Variants in MTFR1 observed in about 807,000 individuals in gnomAD.
MTFR1 encodes mitochondrial fission regulator 1, also known as chondrocyte protein with a poly-proline region.
In MTFR1, 28 loss-of-function variants were observed where a neutral mutation model predicts 38.8. That is an observed-to-expected ratio of 0.72 (90% CI 0.53 to 0.99). The LOEUF (loss-of-function observed/expected upper bound fraction) is 0.99, where lower values mean the gene tolerates loss of function less well. Ranked by LOEUF, MTFR1 falls within the 50% of genes least tolerant of loss-of-function variation. The probability of loss-of-function intolerance (pLI) is 0.00; values close to 1 mark genes in which losing one functional copy is unlikely to be tolerated. For synonymous variants in MTFR1, 145 were observed against 137.0 expected (o/e 1.06, Z -0.41); for missense variants, 358 against 395.5 (o/e 0.91, Z 0.81).
At chr8:65,734,851 G>C in intron 3 of MTFR1, 2 of 1,612,472 alleles carry the variant, frequency 1.2e-6, no homozygotes, top group Admixed American at 1.7e-5. Context: ...CGTGGACTGC[G>C]TTATGGTAAG....
rs748160784 is a variant in MTFR1, at chr8:65,708,973, T to C, written c.934-3T>C. The C allele has an allele frequency of 1.9e-6, 3 of 1,613,764 alleles. No individual in the cohort carries two copies. The South Asian group carries it at 3.3e-5, about 18-fold the overall frequency. On this transcript the variant is annotated splice_polypyrimidine_tract_variant and splice_region_variant and intron_variant, in intron 7 of 7. Coordinates refer to ENST00000262146, the MANE Select transcript of MTFR1 (RefSeq NM_014637.4). ...TTTATTTATACTTTTTGTTTGTTTC[T>C]AGTTTGGGCCACACATGTTGAAGCC...
chr8:65,776,467 A>G, the MTFR1 span, among the ~76,000 whole-genome samples: 1 of 152,226 alleles, frequency 6.6e-6, no homozygotes, highest in Non-Finnish European at 1.5e-5. Context: ...ATTTCACTAA[A>G]CCTATACAGA....
intron 1 of MTFR1, among the ~76,000 whole-genome samples, chr8:65,659,702 A>G (rs929226827): frequency 6.6e-6 from 1 of 152,224 alleles, no homozygotes; most frequent in Non-Finnish European, 1.5e-5. Context: ...GCAAGGAGAC[A>G]TGTAGAAAGA....
chr8:65,696,146 TCAG>T (rs766755640), intron 4 of MTFR1, among the ~76,000 whole-genome samples: 32 of 152,184 alleles, frequency 2.1e-4, no homozygotes, highest in Middle Eastern at 3.2e-3. Flanking sequence ...ATCATTGACT[TCAG>T]CAAGAGTAAT....
Position 65,672,628 on chromosome 8 carries a change from A to T in MTFR1, c.66+2610A>T, listed in dbSNP as rs148660753. Reference sequence around the variant, plus strand: ...TGGGTTCAGGTGATTCTCCTGCCTCAGCCTCCCAAGTAGCTGAGATTACAG... The same window carrying T: ...TGGGTTCAGGTGATTCTCCTGCCTCTGCCTCCCAAGTAGCTGAGATTACAG... On this transcript the variant is annotated intron_variant, in intron 2 of 7. Transcript: ENST00000262146. 4.3e-3 allele frequency among the ~76,000 whole-genome samples: 647 copies of T among 152,202 alleles called. 17 individuals are homozygous for T. The highest frequency in any genetic ancestry group is 6.0e-4 in the Non-Finnish European group (41 of 68,028).
At chr8:65,770,730 A>G (rs1374577246) in intron 3 of MTFR1, among the ~76,000 whole-genome samples, 2 of 152,238 alleles carry the variant, frequency 1.3e-5, no homozygotes, top group East Asian at 1.9e-4. Flanking sequence ...TGGTGAAATC[A>G]AAGAGAAAAA....
intron 2 of MTFR1, among the ~76,000 whole-genome samples, chr8:65,670,410 G>T (rs1479044754): frequency 6.6e-6 from 1 of 151,940 alleles, no homozygotes; most frequent in Non-Finnish European, 1.5e-5. Flanking sequence ...TTGTTTAAAA[G>T]GTAAGTTATG....
chr8:65,711,414 T>C (rs771583858), downstream of MTFR1, among the ~76,000 whole-genome samples: 13 of 152,172 alleles, frequency 8.5e-5, no homozygotes, highest in African/African-American at 1.4e-4. Flanking sequence ...CAGAAATAAA[T>C]AGAAGTTCTC....
At chr8:65,708,776 A>G (rs1805857935) in intron 7 of MTFR1, among the ~76,000 whole-genome samples, 200 bp from the exon 8 acceptor site, 2 of 152,202 alleles carry the variant, frequency 1.3e-5, no homozygotes, top group Admixed American at 1.3e-4. Flanking sequence ...CAGTTTGGCT[A>G]CTTCTTTACC....
intron 1 of MTFR1, among the ~76,000 whole-genome samples, chr8:65,663,812 A>T (rs984941040): frequency 3.2e-3 from 234 of 72,070 alleles, no homozygotes; most frequent in Admixed American, 7.1e-3. Flanking sequence ...TCTTTTTTTT[A>T]ATTTCTTTTC....
At position 65,707,151 on chromosome 8, in the gene MTFR1, A is replaced by G. The variant is rs140868400; in HGVS notation, c.659A>G (p.Asn220Ser). Reference protein sequence around the residue: ...LIKERREKRANAGKTLVKNNP... With the variant: ...LIKERREKRASAGKTLVKNNP... ...AAAGAACGAAGAGAGAAAAGAGCCA[A>G]TGCTGGAAAGACTTTGGTTAAGAAC... Residue 220 changes from asparagine to serine, a missense_variant, in exon 6 of 8, where the codon AAT (asparagine) becomes AGT (serine). Physicochemically the swap from Asn to Ser is conservative, Grantham distance 46 (BLOSUM62 1). Transcript: ENST00000262146. 245 of 1,614,190 alleles carry G rather than the reference A, an allele frequency of 1.5e-4. 4 individuals carry two copies. The South Asian group carries it at 2.5e-3, about 16-fold the overall frequency.
downstream of MTFR1, among the ~76,000 whole-genome samples, chr8:65,711,191 C>T (rs901907115): frequency 1.3e-5 from 2 of 152,160 alleles, no homozygotes; most frequent in African/African-American, 4.8e-5. Context: ...TCATCCTATG[C>T]ACTTGCTTGT....
At chr8:65,773,320 G>C (rs1035145631), downstream of MTFR1, among the ~76,000 whole-genome samples, 1 of 152,090 alleles carries the variant, frequency 6.6e-6, no homozygotes, top group African/African-American at 2.4e-5. Flanking sequence ...GGCTTAAAGA[G>C]ACATATTCTT....
rs1479891142 is a variant in MTFR1 at position 65,655,734 on chromosome 8, G to C, written c.-81+10950G>C. Among the ~76,000 whole-genome samples, 4 of 151,496 alleles carry C rather than the reference G, an allele frequency of 2.6e-5. No individual in the cohort carries two copies. The Admixed American group carries it at 2.6e-4, about 10-fold the overall frequency. On this transcript the variant is annotated intron_variant, in intron 1 of 7. Transcript: ENST00000262146. ...GGAGGCTGAGGTAGGTAGATAACCTGAGGTCAGGAGTTTGAGACCAGCCTG... is the reference window on the plus strand; with the variant it reads ...GGAGGCTGAGGTAGGTAGATAACCTCAGGTCAGGAGTTTGAGACCAGCCTG...
At chr8:65,668,163 G>T (rs1274634658) in intron 1 of MTFR1, among the ~76,000 whole-genome samples, 2 of 149,642 alleles carry the variant, frequency 1.3e-5, no homozygotes, top group African/African-American at 2.5e-5. Context: ...TTTTGAGCAA[G>T]ATTTTCTTTT....
intron 1 of MTFR1, among the ~76,000 whole-genome samples, chr8:65,666,362 C>T (rs1349623343): frequency 1.3e-5 from 2 of 152,174 alleles, no homozygotes; most frequent in African/African-American, 4.8e-5. Context: ...GCTGAGATCG[C>T]GCCACTGCAG....
At chr8:65,678,903 A>C (rs1425090995) in intron 2 of MTFR1, among the ~76,000 whole-genome samples, 1 of 152,114 alleles carries the variant, frequency 6.6e-6, no homozygotes, top group Non-Finnish European at 1.5e-5. Context: ...TAAAAAAAAA[A>C]GCTGAATCAT....
intron 3 of MTFR1, among the ~76,000 whole-genome samples, chr8:65,754,384 A>G (rs970494553): frequency 7.9e-5 from 12 of 151,940 alleles, no homozygotes; most frequent in Non-Finnish European, 1.5e-4. Flanking sequence ...GACACTCACT[A>G]TTAACCATCA....
intron 2 of MTFR1, among the ~76,000 whole-genome samples, chr8:65,677,039 G>A (rs990896364): frequency 1.3e-5 from 2 of 149,270 alleles, no homozygotes; most frequent in Non-Finnish European, 3.0e-5. Context: ...CATAGATAAA[G>A]CATGGTTTTT....
Sources: gnomAD v4.1 joint callset for allele counts (sites outside exome capture counted in the v4.1 genomes callset) on GRCh38, gnomAD v4.1.1 for gene constraint, MANE v1.5 for transcripts, NCBI Gene and HGNC (gene_info 2026-07-23, HGNC 2026-07-21) for gene names.